Variants in ADRA1B observed in about 807,000 individuals in gnomAD.
ADRA1B encodes adrenoceptor alpha 1B.
ADRA1B carries 17 observed loss-of-function variants against 17.9 expected under a neutral mutation model. That is an observed-to-expected ratio of 0.95 (90% confidence interval 0.65 to 1.42). ADRA1B has a LOEUF of 1.42. Ranked by LOEUF, ADRA1B falls within the 40% of genes most tolerant of loss-of-function variation. The probability of loss-of-function intolerance (pLI) is 0.00; values close to 1 mark genes in which losing one functional copy is unlikely to be tolerated. For synonymous variants in ADRA1B, 366 were observed against 327.6 expected, an observed-to-expected ratio of 1.12 and a Z score of -1.27; for missense variants, 681 against 722.1, an observed-to-expected ratio of 0.94 and a Z score of 0.65.
At chr5:159,878,822 A>G (rs753304111) in intron 1 of ADRA1B, among the ~76,000 whole-genome samples, 1 of 152,308 alleles carries the variant, frequency 6.6e-6, no homozygotes, top group Non-Finnish European at 1.5e-5. Flanking sequence ...ACACACTGCA[A>G]TATTGAATAG....
At chr5:159,876,058 G>GCAT (rs10650246) in intron 1 of ADRA1B, among the ~76,000 whole-genome samples, 30,039 of 151,878 alleles carry the variant, frequency 0.2, 3,115 homozygotes, top group African/African-American at 0.24. Flanking sequence ...AAATGGTGGT[G>GCAT]CATACCTGTA....
At chr5:159,971,857 C>CGGGGGGGGGGGG in intron 1 of ADRA1B, 22 bp from the exon 2 acceptor site, 1 of 317,822 alleles carries the variant, frequency 3.1e-6, no homozygotes, top group Non-Finnish European at 5.7e-6. Context: ...TCTGCCCGTG[C>CGGGGGGGGGGGG]CCACCCCCCT....
chr5:159,881,122 C>T (rs1753856752), intron 1 of ADRA1B, among the ~76,000 whole-genome samples: 2 of 139,504 alleles, frequency 1.4e-5, no homozygotes, highest in African/African-American at 2.8e-5. Context: ...TGCAGTGAGC[C>T]GAGATTGCGC....
At chr5:159,940,852 G>A (rs1314354074) in intron 1 of ADRA1B, among the ~76,000 whole-genome samples, 1 of 152,170 alleles carries the variant, frequency 6.6e-6, no homozygotes, top group Non-Finnish European at 1.5e-5. Context: ...TACAAAGACA[G>A]TTCTTTAAAC....
chr5:159,975,103 C>A (rs912558611), downstream of ADRA1B, among the ~76,000 whole-genome samples: 4 of 152,166 alleles, frequency 2.6e-5, no homozygotes. Context: ...TCCCGGAGAA[C>A]AAGGGATCAT....
intron 1 of ADRA1B, among the ~76,000 whole-genome samples, chr5:159,899,910 G>T (rs990441756): frequency 6.6e-6 from 1 of 152,212 alleles, no homozygotes; most frequent in Admixed American, 6.5e-5. Context: ...TCTGCCAAGA[G>T]ATTTATCTGG....
At chr5:159,968,374 TAAA>T (rs1755811812) in intron 1 of ADRA1B, among the ~76,000 whole-genome samples, 1 of 152,228 alleles carries the variant, frequency 6.6e-6, no homozygotes, top group African/African-American at 2.4e-5. Context: ...TTGTAACCTT[TAAA>T]AGAGCCAGTT....
chr5:159,902,002 A>G (rs6893839), intron 1 of ADRA1B, among the ~76,000 whole-genome samples: 57,342 of 152,084 alleles, frequency 0.38, 11,181 homozygotes, highest in Middle Eastern at 0.45. Context: ...TTCTCAGTAT[A>G]TATTAAAGGA....
At chr5:159,928,228 G>T (rs7728708) in intron 1 of ADRA1B, among the ~76,000 whole-genome samples, 26,054 of 152,050 alleles carry the variant, frequency 0.17, 2,316 homozygotes, top group East Asian at 0.26. Flanking sequence ...GACTTGTAAG[G>T]CTGGAATCAG....
chr5:159,966,891 C>T (rs1037162878), intron 1 of ADRA1B, among the ~76,000 whole-genome samples: 2 of 152,240 alleles, frequency 1.3e-5, no homozygotes, highest in African/African-American at 2.4e-5. Flanking sequence ...TTAAATAAAA[C>T]TACCATCTAT....
the ADRA1B span, among the ~76,000 whole-genome samples, chr5:159,984,484 C>T: frequency 6.6e-6 from 1 of 152,158 alleles, no homozygotes; most frequent in African/African-American, 2.4e-5. Flanking sequence ...TCCACTGCCA[C>T]CACCACTGCA....
chr5:159,884,236 T>C lies in ADRA1B; in HGVS notation c.-256+19030T>C, dbSNP rs184896086. 4.6e-3 allele frequency among the ~76,000 whole-genome samples: 701 copies of C among 152,340 alleles called. 6 individuals carry two copies. Among genetic ancestry groups the C allele is most frequent in the South Asian group, 5.8e-3 (28 of 4,822 alleles). Reference sequence around the variant, plus strand: ...CCAATCCCTAAATGGCATGCTATTATGTTTGGGGTTGTGTTATGGCTTGAA... The same window carrying C: ...CCAATCCCTAAATGGCATGCTATTACGTTTGGGGTTGTGTTATGGCTTGAA... On this transcript the variant is annotated intron_variant, in intron 1 of 2. Transcript: ENST00000641205.
At chr5:159,908,215 G>C (rs1345580174) in intron 1 of ADRA1B, among the ~76,000 whole-genome samples, 2 of 152,180 alleles carry the variant, frequency 1.3e-5, no homozygotes, top group Non-Finnish European at 2.9e-5. Flanking sequence ...TCTCTGGACT[G>C]CCTGTGCTCT....
rs548472291 is a variant in ADRA1B, at chr5:159,918,174, C to T, written c.949+320C>T. ...TATTCACTGGGCTTGAATATCACAC[C>T]GGCGTTATTTCAGTAGTAATGATGT... On this transcript the variant is annotated intron_variant, in intron 1 of 1. Coordinates refer to ENST00000306675, the MANE Select transcript of ADRA1B (RefSeq NM_000679.4). Among the ~76,000 whole-genome samples the T allele has an allele frequency of 2.6e-5, 4 of 152,240 alleles. No homozygotes were observed. In the East Asian group the frequency reaches 5.8e-4, roughly 22 times the overall value.
chr5:159,967,195 A>C (rs1755791624), intron 1 of ADRA1B, among the ~76,000 whole-genome samples: 1 of 152,238 alleles, frequency 6.6e-6, no homozygotes, highest in Admixed American at 6.5e-5. Context: ...AAATATACAA[A>C]TCTGGAGGGG....
At chr5:159,889,957 C>A (rs1245473045) in intron 1 of ADRA1B, among the ~76,000 whole-genome samples, 4 of 152,122 alleles carry the variant, frequency 2.6e-5, no homozygotes, top group African/African-American at 9.7e-5. Context: ...CCTATGATAT[C>A]CAAAAGAAAT....
intron 1 of ADRA1B, among the ~76,000 whole-genome samples, chr5:159,880,891 C>A (rs901068057): frequency 6.6e-6 from 1 of 152,164 alleles, no homozygotes; most frequent in African/African-American, 2.4e-5. Flanking sequence ...AGTGTTGCCA[C>A]TTCTAGGTTA....
intron 1 of ADRA1B, among the ~76,000 whole-genome samples, chr5:159,881,422 C>T (rs1186207952): frequency 3.3e-5 from 5 of 151,750 alleles, no homozygotes; most frequent in Non-Finnish European, 5.9e-5. Flanking sequence ...ACTACATTCT[C>T]TTCTTGGCAT....
chr5:159,906,347 G>A (rs1754160775), intron 1 of ADRA1B, among the ~76,000 whole-genome samples: 1 of 152,188 alleles, frequency 6.6e-6, no homozygotes, highest in Non-Finnish European at 1.5e-5. Context: ...ACCAAGTTAT[G>A]TGTATAAGAA....
Sources: gnomAD v4.1 joint callset for allele counts (sites outside exome capture counted in the v4.1 genomes callset) on GRCh38, gnomAD v4.1.1 for gene constraint, MANE v1.5 for transcripts, NCBI Gene and HGNC (gene_info 2026-07-23, HGNC 2026-07-21) for gene names.